ZNF425: variants seen among roughly 807,000 people sequenced by gnomAD.
ZNF425 encodes the protein zinc finger protein 425.
ZNF425 carries 21 observed loss-of-function variants against 17.0 expected under a neutral mutation model. That is an observed-to-expected ratio of 1.23 (90% confidence interval 0.88 to 1.78). The LOEUF (loss-of-function observed/expected upper bound fraction) is 1.78, where lower values mean the gene tolerates loss of function less well. Ranked by LOEUF, ZNF425 falls within the 40% of genes most tolerant of loss-of-function variation. ZNF425 has a pLI of 0.00. For synonymous variants in ZNF425, 433 were observed against 384.1 expected, an observed-to-expected ratio of 1.13 and a Z score of -1.49; for missense variants, 868 against 967.3, an observed-to-expected ratio of 0.90 and a Z score of 1.36.
chr7:149,118,396 T>G, intron 1 of ZNF425, 48 bp from the exon 2 acceptor site: 1 of 1,607,060 alleles, frequency 6.2e-7, no homozygotes, highest in Admixed American at 1.7e-5. Flanking sequence ...TACGGCTACT[T>G]TGTTTTTCAA....
chr7:149,124,532 G>T (rs187562539), intron 1 of ZNF425, among the ~76,000 whole-genome samples: 1,809 of 148,468 alleles, frequency 0.012, 13 homozygotes, highest in African/African-American at 0.019. Flanking sequence ...TTTTTTTGTT[G>T]TTGTTGTTGT....
Position 149,104,094 on chromosome 7 carries a change from G to A in ZNF425, c.1777C>T (p.His593Tyr), listed in dbSNP as rs767589480. 1 of 1,612,718 alleles carries A rather than the reference G, an allele frequency of 6.2e-7. No homozygotes were observed. Among genetic ancestry groups the A allele is most frequent in the South Asian group, 1.1e-5 (1 of 91,080 alleles). ...ACGECDKTYTHQSQLTEHLRL... is the reference protein window; with the variant it reads ...ACGECDKTYTYQSQLTEHLRL... ...AGGTGCTCGGTGAGCTGAGACTGAT[G>A]CGTGTAGGTCTTGTCACACTCACCG... The change falls in exon 4 of 4, where the codon CAT becomes TAT. Residue 593 changes from histidine to tyrosine, a missense_variant. Physicochemically the swap from His to Tyr is moderately conservative, Grantham distance 83. This residue lies in a region of ZNF425 where 437 missense variants were observed against 444.2 expected (regional missense o/e 0.98). Transcript: ENST00000378061. This position sits in a 1 kb window ranked among gnomAD's most constrained non-coding sequence, Gnocchi z 4.3.
At chr7:149,109,059 TTC>T (rs1826129520) in intron 3 of ZNF425, among the ~76,000 whole-genome samples, 1 of 151,694 alleles carries the variant, frequency 6.6e-6, no homozygotes, top group Non-Finnish European at 1.5e-5. Context: ...GGTTGGTGTC[TTC>T]TCTGTTTTCT....
Position 149,104,832 on chromosome 7 carries a change from C to A in ZNF425, c.1039G>T (p.Val347Phe). The A allele has an allele frequency of 1.2e-6, 2 of 1,613,828 alleles. No homozygotes were observed. Among genetic ancestry groups the A allele is most frequent in the Non-Finnish European group, 1.7e-6 (2 of 1,179,984 alleles). Reference sequence around the variant, plus strand: ...TTCCCGCTGTGCTGGGTCAGATGGACCTTCATGCCCCTCTTCAGGCGGAAG... The same window carrying A: ...TTCCCGCTGTGCTGGGTCAGATGGAACTTCATGCCCCTCTTCAGGCGGAAG... The part of the protein sequence containing the change: ...RCFRLKRGMK[V>F]HLTQHSGKRP... Residue 347 changes from valine (V) to phenylalanine (F), a missense_variant, in exon 4 of 4, where the codon GTC becomes TTC. Coordinates refer to ENST00000378061, the MANE Select transcript of ZNF425 (RefSeq NM_001001661.3). The surrounding 1 kb of genome is among the most constrained non-coding windows in gnomAD (Gnocchi z 4.3).
intron 3 of ZNF425, among the ~76,000 whole-genome samples, chr7:149,109,012 C>T (rs901925613): frequency 1.8e-4 from 1 of 5,500 alleles, no homozygotes; most frequent in South Asian, 0.011. Context: ...TCCCATGTCC[C>T]ACTATGTCCC....
At chr7:149,108,525 G>A (rs73477903) in intron 3 of ZNF425, among the ~76,000 whole-genome samples, 75 of 152,284 alleles carry the variant, frequency 4.9e-4, no homozygotes, top group African/African-American at 1.7e-3. Context: ...TATTGGCTGA[G>A]CACCACCTTG....
At chr7:149,106,521 C>T (rs941226083) in intron 3 of ZNF425, among the ~76,000 whole-genome samples, 3 of 152,102 alleles carry the variant, frequency 2.0e-5, no homozygotes, top group African/African-American at 7.2e-5. Context: ...CAGGCATGAG[C>T]CACCGTGCCT....
At chr7:149,121,580 T>TGGGGTTTCACTATGTTGGTCAGGCTGGTC (rs1826353343) in intron 1 of ZNF425, among the ~76,000 whole-genome samples, 1 of 151,864 alleles carries the variant, frequency 6.6e-6, no homozygotes, top group Non-Finnish European at 1.5e-5. Flanking sequence ...TTAGTAGAAA[T>TGGGGTTTCACTATGTTGGTCAGGCTGGTC]GGGGTTTCAC....
intron 3 of ZNF425, among the ~76,000 whole-genome samples, chr7:149,107,499 G>A (rs1007988445): frequency 3.6e-4 from 54 of 151,650 alleles, no homozygotes; most frequent in African/African-American, 1.1e-3. Context: ...CACCACGCCC[G>A]GCTAATTTTT....
At chr7:149,115,079 C>T (rs1308372297) in intron 2 of ZNF425, among the ~76,000 whole-genome samples, 1 of 148,572 alleles carries the variant, frequency 6.7e-6, no homozygotes, top group Non-Finnish European at 1.5e-5. Context: ...GGATTACAGA[C>T]GTGTGCCACC....
intron 3 of ZNF425, 44 bp downstream of exon 3, chr7:149,112,093 T>G: frequency 6.3e-7 from 1 of 1,581,064 alleles, no homozygotes; most frequent in South Asian, 1.1e-5. Flanking sequence ...GAAACAAGGC[T>G]AGGAAAATAA....
intron 1 of ZNF425, chr7:149,118,734 G>C (rs567507733): frequency 3.1e-6 from 1 of 327,780 alleles, no homozygotes; most frequent in Middle Eastern, 1.1e-3. Flanking sequence ...AGAATCGTTT[G>C]AACCCGGAAG....
At chr7:149,121,920 C>G (rs965391545) in intron 1 of ZNF425, among the ~76,000 whole-genome samples, 8 of 49,318 alleles carry the variant, frequency 1.6e-4, no homozygotes, top group African/African-American at 4.2e-4. Flanking sequence ...TGCCCGTTTT[C>G]TTTGTTTTTT....
chr7:149,117,239 G>A (rs1048956907), intron 2 of ZNF425, among the ~76,000 whole-genome samples: 4 of 143,040 alleles, frequency 2.8e-5, no homozygotes, highest in Non-Finnish European at 6.2e-5. Flanking sequence ...ACTCCAGTAT[G>A]GACTCCGTCT....
rs1301810833 is a variant in ZNF425, at chr7:149,104,210, A to G, written c.1661T>C (p.Phe554Ser). ...HTRLHSGEEP[F>S]QCPECDKSFS... The stretch of plus-strand genomic sequence containing the variant: ...GCTCTTGTCGCACTCGGGACACTGG[A>G]AGGGCTCCTCGCCACTGTGAAGCCT... The change falls in exon 4 of 4, where the codon TTC (phenylalanine) becomes TCC (serine). Residue 554 changes from phenylalanine to serine, a missense_variant. Physicochemically the swap from Phe to Ser is radical, Grantham distance 155. Transcript: ENST00000378061. The surrounding 1 kb of genome is among the most constrained non-coding windows in gnomAD (Gnocchi z 4.3). 2 of 1,612,548 alleles carry G rather than the reference A, an allele frequency of 1.2e-6. No individual in the cohort carries two copies. Among genetic ancestry groups the G allele is most frequent in the Non-Finnish European group, 1.7e-6 (2 of 1,179,040 alleles).
intron 3 of ZNF425, among the ~76,000 whole-genome samples, chr7:149,109,367 G>A (rs1826137230): frequency 6.6e-6 from 1 of 151,990 alleles, no homozygotes; most frequent in Non-Finnish European, 1.5e-5. Context: ...ATGAGCCACG[G>A]CACCCAGCCT....
chr7:149,109,567 A>G (rs1826140604), intron 3 of ZNF425, among the ~76,000 whole-genome samples: 1 of 152,120 alleles, frequency 6.6e-6, no homozygotes, highest in Admixed American at 6.6e-5. Flanking sequence ...AAATCCCTAT[A>G]GCACAGAATT....
chr7:149,104,451 C>G lies in ZNF425; in HGVS notation c.1420G>C (p.Glu474Gln). ...GGCCGCGTGAAGCGCTTGCCGCACT[C>G]GGCGCAGGGGAAGGGCTTTTGCTCG... ...HSEQKPFPCA[E>Q]CGKRFTRPSK... Residue 474 changes from glutamate (E) to glutamine (Q), a missense_variant, in exon 4 of 4, where the codon GAG becomes CAG. This residue lies in a region of ZNF425 where 437 missense variants were observed against 444.2 expected (regional missense o/e 0.98). Coordinates refer to ENST00000378061, the MANE Select transcript of ZNF425 (RefSeq NM_001001661.3). The surrounding 1 kb of genome is among the most constrained non-coding windows in gnomAD (Gnocchi z 4.3). 6.2e-7 allele frequency: 1 copy of G among 1,600,806 alleles called. No individual in the cohort carries two copies. Among genetic ancestry groups the G allele is most frequent in the Non-Finnish European group, 8.5e-7 (1 of 1,174,316 alleles).
chr7:149,112,796 A>T (rs1826195250), intron 2 of ZNF425, among the ~76,000 whole-genome samples: 1 of 151,442 alleles, frequency 6.6e-6, no homozygotes, highest in Non-Finnish European at 1.5e-5. Flanking sequence ...CCTCCTGAGT[A>T]GCTGGGACTA....
Sources: gnomAD v4.1 joint callset for allele counts (sites outside exome capture counted in the v4.1 genomes callset) on GRCh38, gnomAD v4.1.1 for gene constraint, gnomAD v4.1.1 regional missense constraint, Gnocchi (gnomAD v3.1) non-coding constraint, MANE v1.5 for transcripts, NCBI Gene and HGNC (gene_info 2026-07-23, HGNC 2026-07-21) for gene names.